The following SGCZ variants were observed in gnomAD, a reference collection of about 807,000 sequenced individuals.
SGCZ encodes the protein zeta-sarcoglycan.
SGCZ carries 40 observed loss-of-function variants against 41.3 expected under a neutral mutation model. That is an observed-to-expected ratio of 0.97 (90% CI 0.75 to 1.26). SGCZ has a LOEUF of 1.26. SGCZ is among the 50% of genes most tolerant of loss of function. The pLI, the probability that SGCZ is intolerant of heterozygous loss-of-function variation, is 0.00. For synonymous variants in SGCZ, 206 were observed against 137.5 expected (o/e 1.50, Z -3.49); for missense variants, 552 against 369.8 (o/e 1.49, Z -4.04).
At chr8:15,230,956 A>G (rs1321363305) in intron 1 of SGCZ, among the ~76,000 whole-genome samples, 1 of 152,204 alleles carries the variant, frequency 6.6e-6, no homozygotes, top group East Asian at 1.9e-4. Flanking sequence ...CACTACTGGT[A>G]GACGGCAGAG....
At chr8:15,186,121 G>C (rs1221149909) in intron 1 of SGCZ, among the ~76,000 whole-genome samples, 3 of 149,784 alleles carry the variant, frequency 2.0e-5, no homozygotes, top group Non-Finnish European at 4.4e-5. Context: ...ACTTAGCCGG[G>C]CATGGCGGAG....
rs142957007 is a variant in SGCZ at position 15,148,371 on chromosome 8, C to G, written c.39+89214G>C. On this transcript the variant is annotated intron_variant, in intron 1 of 7. Transcript: ENST00000382080. Reference sequence around the variant, plus strand: ...AACTTCATTCTGGAAAAAGATGCCTCGATGTCAGTTTGATTTTTGCTCATT... The same window carrying G: ...AACTTCATTCTGGAAAAAGATGCCTGGATGTCAGTTTGATTTTTGCTCATT... 5.9e-3 allele frequency among the ~76,000 whole-genome samples: 901 copies of G among 152,170 alleles called. 11 individuals are homozygous for G. The highest frequency in any genetic ancestry group is 0.021 in the African/African-American group (857 of 41,510).
chr8:14,348,245 C>A (rs980292067), intron 2 of SGCZ, among the ~76,000 whole-genome samples: 1 of 152,094 alleles, frequency 6.6e-6, no homozygotes, highest in Non-Finnish European at 1.5e-5. Flanking sequence ...CAAGATTCCC[C>A]TTTTAAATCT....
At chr8:14,178,431 C>T (rs1354502175) in intron 4 of SGCZ, among the ~76,000 whole-genome samples, 1 of 152,198 alleles carries the variant, frequency 6.6e-6, no homozygotes, top group Non-Finnish European at 1.5e-5. Context: ...GGCTAGCAAA[C>T]CATGTAAACA....
chr8:14,927,588 G>C (rs557167941), intron 1 of SGCZ, among the ~76,000 whole-genome samples: 8 of 152,132 alleles, frequency 5.3e-5, no homozygotes, highest in African/African-American at 1.9e-4. Context: ...TTTAAAAAGA[G>C]AAAGGAAAAA....
intron 1 of SGCZ, among the ~76,000 whole-genome samples, chr8:14,630,479 C>G (rs1055373877): frequency 1.3e-5 from 2 of 152,014 alleles, no homozygotes; most frequent in Non-Finnish European, 2.9e-5. Flanking sequence ...CCTCAAGGAT[C>G]TAGAACTAGA....
At chr8:14,280,052 A>T (rs894313919) in intron 3 of SGCZ, among the ~76,000 whole-genome samples, 1 of 152,014 alleles carries the variant, frequency 6.6e-6, no homozygotes, top group Admixed American at 6.6e-5. Context: ...TTTCTGAGTC[A>T]TACAATGTGG....
At chr8:14,826,689 G>A in intron 1 of SGCZ, among the ~76,000 whole-genome samples, 1 of 152,148 alleles carries the variant, frequency 6.6e-6, no homozygotes, top group East Asian at 1.9e-4. Flanking sequence ...AGCCAGTGAT[G>A]ATGAGCATTT....
At chr8:14,598,265 C>A (rs953075578) in intron 1 of SGCZ, among the ~76,000 whole-genome samples, 1 of 151,528 alleles carries the variant, frequency 6.6e-6, no homozygotes, top group Non-Finnish European at 1.5e-5. Context: ...CTTTGAGTAT[C>A]TCAATCAATC....
intron 1 of SGCZ, among the ~76,000 whole-genome samples, chr8:14,612,100 T>C (rs1409988364): frequency 6.6e-6 from 1 of 152,212 alleles, no homozygotes; most frequent in Non-Finnish European, 1.5e-5. Context: ...CGTATGTCTT[T>C]CTATGCAAAA....
chr8:14,986,296 A>G (rs1263741595), intron 1 of SGCZ, among the ~76,000 whole-genome samples: 5 of 152,112 alleles, frequency 3.3e-5, no homozygotes, highest in African/African-American at 1.2e-4. Context: ...GCAAACTGGT[A>G]ATTACCACTA....
rs190309019 is a variant in SGCZ, at chr8:14,546,449, A to C, written c.234+8283T>G. On this transcript the variant is annotated intron_variant, in intron 2 of 7. Transcript: ENST00000382080. Reference sequence around the variant, plus strand: ...AGACTAAACTGCAATCACAGGGATAAAATAGCTTTCTGAAAATCATTGTTT... The same window carrying C: ...AGACTAAACTGCAATCACAGGGATACAATAGCTTTCTGAAAATCATTGTTT... Among the ~76,000 whole-genome samples, 3 of 152,346 alleles carry C rather than the reference A, an allele frequency of 2.0e-5. No homozygotes were observed. In the East Asian group the frequency reaches 5.8e-4, roughly 29 times the overall value.
At chr8:14,515,222 A>G (rs951473610) in intron 2 of SGCZ, among the ~76,000 whole-genome samples, 1 of 152,038 alleles carries the variant, frequency 6.6e-6, no homozygotes, top group African/African-American at 2.4e-5. Context: ...ACATTAATAC[A>G]TGTATCCAGG....
intron 1 of SGCZ, among the ~76,000 whole-genome samples, chr8:14,695,646 A>G (rs1042086628): frequency 2.0e-5 from 3 of 152,024 alleles, no homozygotes; most frequent in Non-Finnish European, 4.4e-5. Flanking sequence ...GTGTGGAACT[A>G]TAAAACCTAC....
intron 3 of SGCZ, among the ~76,000 whole-genome samples, chr8:14,260,822 T>C (rs62500210): frequency 0.039 from 5,927 of 152,098 alleles, 213 homozygotes; most frequent in East Asian, 0.17. Flanking sequence ...GTGGAAATCA[T>C]CATTCTCAGT....
intron 1 of SGCZ, among the ~76,000 whole-genome samples, chr8:14,987,099 A>G (rs1801847226): frequency 6.6e-6 from 1 of 151,898 alleles, no homozygotes; most frequent in Non-Finnish European, 1.5e-5. Context: ...CAGTATAGCA[A>G]AGAAGAAACA....
intron 1 of SGCZ, among the ~76,000 whole-genome samples, chr8:15,043,583 A>C (rs1394960149): frequency 3.9e-5 from 6 of 152,158 alleles, no homozygotes; most frequent in African/African-American, 4.8e-5. Context: ...TTATTTTTAA[A>C]ACTTGTGAAA....
intron 1 of SGCZ, among the ~76,000 whole-genome samples, chr8:14,954,896 T>C (rs1245043114): frequency 3.9e-5 from 6 of 152,204 alleles, no homozygotes; most frequent in Non-Finnish European, 5.9e-5. Flanking sequence ...TACAGAGTAA[T>C]AGAAAACAAA....
intron 1 of SGCZ, among the ~76,000 whole-genome samples, chr8:14,975,880 A>G (rs936135058): frequency 3.4e-5 from 5 of 147,146 alleles, no homozygotes; most frequent in Non-Finnish European, 6.0e-5. Flanking sequence ...TTTTACACAC[A>G]CACACACACA....
Sources: gnomAD v4.1 joint callset for allele counts (sites outside exome capture counted in the v4.1 genomes callset) on GRCh38, gnomAD v4.1.1 for gene constraint, MANE v1.5 for transcripts, NCBI Gene and HGNC (gene_info 2026-07-23, HGNC 2026-07-21) for gene names.